EPHB1: variants seen among roughly 807,000 people sequenced by gnomAD.
The protein encoded by EPHB1 is ephrin type-B receptor 1.
EPHB1 carries 30 observed loss-of-function variants against 94.4 expected under a neutral mutation model. The observed-to-expected ratio is 0.32, with a 90% CI of 0.24 to 0.43. The LOEUF is 0.43. Among genes scored for constraint, EPHB1 ranks in the 20% least tolerant of loss-of-function variants. The probability of loss-of-function intolerance (pLI) is 1.00; values close to 1 mark genes in which losing one functional copy is unlikely to be tolerated. For synonymous variants in EPHB1, 522 were observed against 489.1 expected (o/e 1.07, Z -0.89); for missense variants, 1,055 against 1,308.3 (o/e 0.81, Z 2.99).
intron 1 of EPHB1, among the ~76,000 whole-genome samples, chr3:134,887,500 C>T (rs1164786968): frequency 1.3e-5 from 2 of 152,180 alleles, no homozygotes; most frequent in Non-Finnish European, 2.9e-5. Flanking sequence ...TTATAACCAT[C>T]TACCATGATA....
At chr3:134,798,045 A>G (rs1356899413) in intron 1 of EPHB1, among the ~76,000 whole-genome samples, 1 of 152,184 alleles carries the variant, frequency 6.6e-6, no homozygotes, top group Non-Finnish European at 1.5e-5. Context: ...AATAGTGATC[A>G]GAAAGTGGAT....
At chr3:134,996,448 A>C (rs1487642782) in intron 3 of EPHB1, among the ~76,000 whole-genome samples, 1 of 152,206 alleles carries the variant, frequency 6.6e-6, no homozygotes, top group African/African-American at 2.4e-5. Flanking sequence ...AGTTTCCCAA[A>C]GTGCTGGGAT....
intron 1 of EPHB1, among the ~76,000 whole-genome samples, chr3:134,813,110 T>C (rs1037756646): frequency 2.0e-5 from 3 of 152,080 alleles, no homozygotes; most frequent in Non-Finnish European, 4.4e-5. Context: ...GCCATGATCT[T>C]CTCAACATGG....
At position 135,232,227 on chromosome 3, in the gene EPHB1, T is replaced by C. The variant is rs907582589; in HGVS notation, c.2347-8921T>C. On this transcript the variant is annotated intron_variant, in intron 12 of 15. Transcript: ENST00000398015. ...GATTGAGGAAAATGGGTCAGTGTAC[T>C]TTCAGAGAGCTTTTAAGTTGAGACA... Among the ~76,000 whole-genome samples, 4 of 152,244 alleles carry C rather than the reference T, an allele frequency of 2.6e-5. No individual in the cohort carries two copies. In the East Asian group the frequency reaches 7.7e-4, roughly 29 times the overall value.
intron 12 of EPHB1, among the ~76,000 whole-genome samples, chr3:135,228,688 A>G (rs1943460190): frequency 6.6e-6 from 1 of 152,186 alleles, no homozygotes; most frequent in Non-Finnish European, 1.5e-5. Flanking sequence ...GTAAACTGAC[A>G]TGCTCTTTTA....
chr3:134,831,085 C>T (rs1210211210), intron 1 of EPHB1, among the ~76,000 whole-genome samples: 2 of 152,202 alleles, frequency 1.3e-5, no homozygotes, highest in Non-Finnish European at 2.9e-5. Context: ...TTCCCCTAAA[C>T]CCTTCCAATA....
intron 2 of EPHB1, 66 bp downstream of exon 2, chr3:134,925,946 G>C: frequency 7.2e-7 from 1 of 1,383,482 alleles, no homozygotes; most frequent in South Asian, 1.3e-5. Context: ...ATATCTAGGG[G>C]AGTAGAGACT....
At chr3:134,960,670 A>G (rs2107721503) in intron 3 of EPHB1, among the ~76,000 whole-genome samples, 1 of 152,294 alleles carries the variant, frequency 6.6e-6, no homozygotes, top group South Asian at 2.1e-4. Flanking sequence ...GTCAGGAAGA[A>G]ATGAGCTTAG....
intron 3 of EPHB1, among the ~76,000 whole-genome samples, chr3:135,093,297 G>A (rs1016956219): frequency 2.3e-4 from 35 of 152,096 alleles, no homozygotes; most frequent in African/African-American, 8.5e-4. Flanking sequence ...CAACTCCCAG[G>A]CCACTCCCCG....
At chr3:135,076,261 A>ATATATATATATATATG (rs1553729687) in intron 3 of EPHB1, among the ~76,000 whole-genome samples, 1,538 of 112,186 alleles carry the variant, frequency 0.014, 28 homozygotes, top group South Asian at 0.036. Context: ...ATATATATAT[A>ATATATATATATATATG]ACTCTTAAAT....
intron 12 of EPHB1, among the ~76,000 whole-genome samples, chr3:135,214,339 C>G (rs1943095237): frequency 6.6e-6 from 1 of 152,312 alleles, no homozygotes; most frequent in Non-Finnish European, 1.5e-5. Flanking sequence ...CACTTGGGGA[C>G]AGCTCAGCTC....
chr3:134,863,647 T>G (rs1364379683), intron 1 of EPHB1, among the ~76,000 whole-genome samples: 2 of 152,244 alleles, frequency 1.3e-5, no homozygotes, highest in East Asian at 3.8e-4. Flanking sequence ...GGAGCAAGTT[T>G]TTAGAAAGAA....
chr3:135,057,806 C>A (rs943180119), intron 3 of EPHB1, among the ~76,000 whole-genome samples: 6 of 152,204 alleles, frequency 3.9e-5, no homozygotes, highest in Non-Finnish European at 8.8e-5. Flanking sequence ...GTTGCATTTA[C>A]TGAAAGTCTC....
chr3:134,998,325 C>T (rs1024680655), intron 3 of EPHB1, among the ~76,000 whole-genome samples: 2 of 152,128 alleles, frequency 1.3e-5, no homozygotes, highest in Admixed American at 6.6e-5. Context: ...GTTTTCTGGG[C>T]AAGGAAGAGA....
chr3:134,879,783 C>A (rs148834067), intron 1 of EPHB1, among the ~76,000 whole-genome samples: 1 of 151,888 alleles, frequency 6.6e-6, no homozygotes, highest in African/African-American at 2.4e-5. Flanking sequence ...AGGTTTATAT[C>A]AAAACCTAGC....
At chr3:135,075,410 A>T (rs1258232548) in intron 3 of EPHB1, among the ~76,000 whole-genome samples, 5 of 152,000 alleles carry the variant, frequency 3.3e-5, no homozygotes, top group African/African-American at 9.7e-5. Context: ...TCTGCATATC[A>T]CCCTCCAATT....
At chr3:134,847,644 G>A (rs1560260750) in intron 1 of EPHB1, among the ~76,000 whole-genome samples, 1 of 152,172 alleles carries the variant, frequency 6.6e-6, no homozygotes, top group South Asian at 2.1e-4. Context: ...AAGAAGGCAG[G>A]AAATGGGAAC....
intron 1 of EPHB1, among the ~76,000 whole-genome samples, chr3:134,869,173 A>G (rs150661849): frequency 1.3e-5 from 2 of 152,374 alleles, no homozygotes; most frequent in South Asian, 2.1e-4. Context: ...GAAATAATCT[A>G]GGAAGCAAAA....
chr3:135,244,464 C>G (rs1943872576), intron 13 of EPHB1, among the ~76,000 whole-genome samples: 1 of 152,140 alleles, frequency 6.6e-6, no homozygotes. Context: ...TCTTGTGGAC[C>G]AATGAAAGGA....
Sources: gnomAD v4.1 joint callset for allele counts (sites outside exome capture counted in the v4.1 genomes callset) on GRCh38, gnomAD v4.1.1 for gene constraint, MANE v1.5 for transcripts, NCBI Gene and HGNC (gene_info 2026-07-23, HGNC 2026-07-21) for gene names.